Variants in EML5 observed in about 807,000 individuals in gnomAD.
EML5 encodes EMAP like 5, also known as echinoderm microtubule-associated protein-like 5.
In EML5, 120 loss-of-function variants were observed where a neutral mutation model predicts 250.0. That is an observed-to-expected ratio of 0.48 (90% CI 0.41 to 0.56). The LOEUF is 0.56. Among genes scored for constraint, EML5 ranks in the 20% least tolerant of loss-of-function variants. The pLI, the probability that EML5 is intolerant of heterozygous loss-of-function variation, is 0.00. For missense variants in EML5, 2,006 were observed against 2,437.6 expected (o/e 0.82, Z 3.73); for synonymous variants, 771 against 806.5 (o/e 0.96, Z 0.75).
chr14:88,622,729 A>C lies in EML5; in HGVS notation c.4899-11T>G. On this transcript the variant is annotated splice_polypyrimidine_tract_variant and intron_variant, in intron 36 of 43. Transcript: ENST00000554922. ...CCTCCTTCTTTTGACCTAAGTAAAT[A>C]ACCAAGCCAGAGTAAGTGTTCATTA... 1 of 1,580,968 alleles carries C rather than the reference A, an allele frequency of 6.3e-7. No homozygotes were observed. Among genetic ancestry groups the C allele is most frequent in the African/African-American group, 1.4e-5 (1 of 73,894 alleles).
chr14:88,639,544 A>G (rs17260338), intron 31 of EML5, among the ~76,000 whole-genome samples: 27,952 of 152,112 alleles, frequency 0.18, 3,095 homozygotes, highest in East Asian at 0.47. Context: ...GTCACATTTT[A>G]TATTTGTTCT....
rs1310423320 is a variant in EML5, at chr14:88,702,475, G to C, written c.2209C>G (p.Pro737Ala). Residue 737 changes from proline (P) to alanine (A), a missense_variant, in exon 14 of 44, where the codon CCT becomes GCT. Transcript: ENST00000554922. ...CCTGTTGCCACGTAGTCTTTCAAAGGATGAATAGTTAGGCAGAGAATATCA... is the reference window on the plus strand; with the variant it reads ...CCTGTTGCCACGTAGTCTTTCAAAGCATGAATAGTTAGGCAGAGAATATCA... ...DDDILCLTIH[P>A]LKDYVATGQV... 1 of 1,612,766 alleles carries C rather than the reference G, an allele frequency of 6.2e-7. No homozygotes were observed. The highest frequency in any genetic ancestry group is 1.7e-5 in the Admixed American group (1 of 59,872).
intron 21 of EML5, among the ~76,000 whole-genome samples, chr14:88,669,051 C>G (rs929823056): frequency 6.6e-6 from 1 of 152,170 alleles, no homozygotes; most frequent in African/African-American, 2.4e-5. Context: ...GGTGGAGTGA[C>G]AGCCCACCTG....
In EML5 at chr14:88,649,936, G is replaced by T. The variant is rs894291927; in HGVS notation, c.4005-10C>A. 6.8e-7 allele frequency: 1 copy of T among 1,473,918 alleles called. No homozygotes were observed. The highest frequency in any genetic ancestry group is 9.0e-7 in the Non-Finnish European group (1 of 1,113,304). 91.3% of individuals were successfully genotyped at this position (1,473,918 alleles called of 1,614,324 possible). A position where few individuals can be genotyped will look rare whatever the true frequency, so the allele number is the denominator to read the frequency against. On this transcript the variant is annotated splice_polypyrimidine_tract_variant and intron_variant, in intron 27 of 43. Coordinates refer to ENST00000554922, the MANE Select transcript of EML5 (RefSeq NM_183387.3). Reference sequence around the variant, plus strand: ...CCTTACTACTCCCTGCCTTCAAAAGGAGCAAGGGGGAAAAAAGTAGGAAAA... The same window carrying T: ...CCTTACTACTCCCTGCCTTCAAAAGTAGCAAGGGGGAAAAAAGTAGGAAAA...
intron 1 of EML5, among the ~76,000 whole-genome samples, chr14:88,758,346 C>T (rs746183766): frequency 1.3e-5 from 2 of 152,016 alleles, no homozygotes; most frequent in African/African-American, 2.4e-5. Flanking sequence ...GCATGCACCA[C>T]CACGCCCAGC....
rs1455389535 is a variant in EML5 at position 88,613,042 on chromosome 14, T to C, written c.*2776A>G. On this transcript the variant is annotated 3_prime_UTR_variant, in exon 44 of 44. Coordinates refer to ENST00000554922, the MANE Select transcript of EML5 (RefSeq NM_183387.3). ...ATACTCAAATGATGATAAACCTACA[T>C]GTGCAAAGGCTCACGTTTAAGATTG... 2.0e-5 allele frequency: 3 copies of C among 152,496 alleles called. No homozygotes were observed. The highest frequency in any genetic ancestry group is 6.5e-5 in the Admixed American group (1 of 15,270). The allele number at this position is 152,496 out of a possible 1,614,324, so 9.4% of individuals were successfully genotyped here.
intron 1 of EML5, among the ~76,000 whole-genome samples, chr14:88,781,834 T>C (rs897252355): frequency 6.6e-6 from 1 of 152,212 alleles, no homozygotes; most frequent in African/African-American, 2.4e-5. Flanking sequence ...GAACTGTGAG[T>C]CAATTAAACC....
chr14:88,758,072 G>T (rs1044269185), intron 1 of EML5, among the ~76,000 whole-genome samples: 3 of 149,062 alleles, frequency 2.0e-5, no homozygotes, highest in African/African-American at 7.5e-5. Flanking sequence ...GCCCAGACTG[G>T]TCTCAAACTT....
At chr14:88,622,753 T>C in intron 36 of EML5, 35 bp from the exon 37 acceptor site, 2 of 1,436,286 alleles carry the variant, frequency 1.4e-6, no homozygotes, top group Non-Finnish European at 1.9e-6. Flanking sequence ...AAGTGTTCAT[T>C]ATTGGCTACT....
At chr14:88,711,141 T>C (rs184243010) in intron 10 of EML5, among the ~76,000 whole-genome samples, 2 of 152,138 alleles carry the variant, frequency 1.3e-5, no homozygotes, top group Non-Finnish European at 2.9e-5. Context: ...GACTCTCATG[T>C]CCTGGCTATG....
At position 88,612,857 on chromosome 14, in the gene EML5, C is replaced by G. The variant is rs1406716516; in HGVS notation, c.*2961G>C. 1.3e-5 allele frequency: 2 copies of G among 152,072 alleles called. No individual in the cohort carries two copies. The highest frequency in any genetic ancestry group is 2.9e-5 in the Non-Finnish European group (2 of 67,986). The allele number at this position is 152,072 out of a possible 1,614,324, so 9.4% of individuals were successfully genotyped here. Reference sequence around the variant, plus strand: ...AATGCTTTAGAGTTAAATAACAGATCACTGATTTCAAAGACTTGGTGTATA... The same window carrying G: ...AATGCTTTAGAGTTAAATAACAGATGACTGATTTCAAAGACTTGGTGTATA... On this transcript the variant is annotated 3_prime_UTR_variant, in exon 44 of 44. Coordinates refer to ENST00000554922, the MANE Select transcript of EML5 (RefSeq NM_183387.3).
intron 31 of EML5, among the ~76,000 whole-genome samples, chr14:88,640,962 T>G (rs1181573540): frequency 6.6e-6 from 1 of 152,052 alleles, no homozygotes; most frequent in South Asian, 2.1e-4. Context: ...CTAGAGGCTA[T>G]GATGTTAGTT....
At chr14:88,771,847 T>A (rs947804357) in intron 1 of EML5, among the ~76,000 whole-genome samples, 1 of 152,174 alleles carries the variant, frequency 6.6e-6, no homozygotes, top group African/African-American at 2.4e-5. Context: ...TCTGTCTCCA[T>A]TGGTAGGCAC....
In EML5 at chr14:88,614,918, T is replaced by A. The variant is rs997735717; in HGVS notation, c.*900A>T. On this transcript the variant is annotated 3_prime_UTR_variant, in exon 44 of 44. Transcript: ENST00000554922. ...CCAAGAGTGATTAAATTGTATAATG[T>A]TGTATATGTGAATTTAACACTTTTG... 1 of 152,220 alleles carries A rather than the reference T, an allele frequency of 6.6e-6. No individual in the cohort carries two copies. The highest frequency in any genetic ancestry group is 2.4e-5 in the African/African-American group (1 of 41,468). 9.4% of individuals were successfully genotyped at this position (152,220 alleles called of 1,614,324 possible).
chr14:88,683,693 C>G (rs1022931407), intron 20 of EML5, among the ~76,000 whole-genome samples: 2 of 152,106 alleles, frequency 1.3e-5, no homozygotes, highest in Non-Finnish European at 2.9e-5. Flanking sequence ...AACTAATACA[C>G]TATATCAACA....
At position 88,657,483 on chromosome 14, in the gene EML5, T is replaced by C. The variant is rs1191532178; in HGVS notation, c.3897A>G (p.Thr1299=). The change falls in exon 27 of 44, where the codon ACA becomes ACG. Residue 1299 remains threonine, a synonymous_variant. Coordinates refer to ENST00000554922, the MANE Select transcript of EML5 (RefSeq NM_183387.3). ...EEDGGYDSDV[T]RENEISYTIR... ...TGGTGTAACTGATTTCATTCTCCCT[T>C]GTAACATCACTGTCATAGCCTACAA... is the stretch of plus-strand genomic sequence containing the variant. 1 of 1,606,782 alleles carries C rather than the reference T, an allele frequency of 6.2e-7. No individual in the cohort carries two copies. The highest frequency in any genetic ancestry group is 8.5e-7 in the Non-Finnish European group (1 of 1,176,596).
intron 21 of EML5, among the ~76,000 whole-genome samples, chr14:88,677,938 T>A (rs1387525478): frequency 6.6e-6 from 1 of 152,194 alleles, no homozygotes; most frequent in Admixed American, 6.5e-5. Flanking sequence ...ATGTAATTAC[T>A]GAGTATATAC....
At chr14:88,763,433 CA>C (rs2060204709) in intron 1 of EML5, among the ~76,000 whole-genome samples, 1 of 152,094 alleles carries the variant, frequency 6.6e-6, no homozygotes, top group Non-Finnish European at 1.5e-5. Flanking sequence ...TAGACACACA[CA>C]CCCCCCCAAG....
chr14:88,657,329 T>C, intron 27 of EML5, 47 bp downstream of exon 27: 1 of 1,510,624 alleles, frequency 6.6e-7, no homozygotes, highest in African/African-American at 1.4e-5. Flanking sequence ...ATTCCATTTT[T>C]AATGACAATA....
Sources: allele counts gnomAD v4.1 joint callset (sites outside exome capture counted in the v4.1 genomes callset), GRCh38; gene constraint gnomAD v4.1.1; transcripts MANE v1.5; gene names NCBI Gene and HGNC (gene_info 2026-07-23, HGNC 2026-07-21).